Variants in GRID2 observed in about 807,000 individuals in gnomAD.
The protein encoded by GRID2 is glutamate ionotropic receptor delta type subunit 2, also known as glutamate receptor ionotropic, delta-2.
A neutral mutation model predicts 114.8 loss-of-function variants in GRID2; 33 were observed. The observed-to-expected ratio is 0.29, with a 90% CI of 0.22 to 0.38. GRID2 has a LOEUF of 0.38. GRID2 is among the 10% of genes least tolerant of loss of function. The pLI is 1.00. For synonymous variants in GRID2, 505 were observed against 449.9 expected, an observed-to-expected ratio of 1.12 and a Z score of -1.55; for missense variants, 1,184 against 1,257.7, an observed-to-expected ratio of 0.94 and a Z score of 0.89.
chr4:93,239,127 T>A (rs987618466), intron 8 of GRID2, among the ~76,000 whole-genome samples: 1 of 146,804 alleles, frequency 6.8e-6, no homozygotes, highest in Non-Finnish European at 1.5e-5. Flanking sequence ...AAATTTTTGA[T>A]ATATATATCA....
chr4:93,700,332 A>G (rs1352478921), intron 14 of GRID2, among the ~76,000 whole-genome samples: 1 of 152,140 alleles, frequency 6.6e-6, no homozygotes, highest in African/African-American at 2.4e-5. Flanking sequence ...TGAATTTTTA[A>G]ATAATTTTCA....
At chr4:92,425,609 TC>T (rs1732122187) in intron 1 of GRID2, among the ~76,000 whole-genome samples, 1 of 152,098 alleles carries the variant, frequency 6.6e-6, no homozygotes, top group South Asian at 2.1e-4. Flanking sequence ...GACCACCTCT[TC>T]TGTAGTATGT....
At chr4:93,009,519 T>C (rs936265000) in intron 2 of GRID2, among the ~76,000 whole-genome samples, 1 of 152,148 alleles carries the variant, frequency 6.6e-6, no homozygotes, top group Non-Finnish European at 1.5e-5. Context: ...CTTTAATGTA[T>C]GACATTTTCA....
chr4:93,165,659 C>T (rs1259529778), intron 4 of GRID2, among the ~76,000 whole-genome samples: 1 of 152,108 alleles, frequency 6.6e-6, no homozygotes, highest in Non-Finnish European at 1.5e-5. Flanking sequence ...GCTAACTCCT[C>T]TTTCTCTCAG....
intron 13 of GRID2, among the ~76,000 whole-genome samples, chr4:93,543,906 C>A (rs1487129016): frequency 1.3e-5 from 2 of 152,116 alleles, no homozygotes; most frequent in East Asian, 3.9e-4. Flanking sequence ...TAAGAACAAA[C>A]CACAAAAATG....
intron 2 of GRID2, among the ~76,000 whole-genome samples, chr4:92,595,682 G>A (rs1728915927): frequency 6.6e-6 from 1 of 151,806 alleles, no homozygotes; most frequent in Non-Finnish European, 1.5e-5. Flanking sequence ...TTCATTTTTG[G>A]TTTATGTTAC....
Position 92,922,003 on chromosome 4 carries a change from A to G in GRID2, c.245-162992A>G, listed in dbSNP as rs955169852. The stretch of plus-strand genomic sequence containing the variant: ...GCTTTGGTGGGCTCCACCCAGTTCA[A>G]GCTTCCTGGCCACTTTGTTTACCTA... On this transcript the variant is annotated intron_variant, in intron 2 of 15. Coordinates refer to ENST00000282020, the MANE Select transcript of GRID2 (RefSeq NM_001510.4). Among the ~76,000 whole-genome samples, 6 of 152,270 alleles carry G rather than the reference A, an allele frequency of 3.9e-5. No individual in the cohort carries two copies. The South Asian group carries it at 1.2e-3, about 32-fold the overall frequency.
chr4:92,866,477 G>A (rs1744871228), intron 2 of GRID2, among the ~76,000 whole-genome samples: 1 of 152,020 alleles, frequency 6.6e-6, no homozygotes, highest in African/African-American at 2.4e-5. Flanking sequence ...AGCAGACTGA[G>A]TAAACAATTT....
At chr4:93,593,954 T>C (rs1016203680) in intron 13 of GRID2, among the ~76,000 whole-genome samples, 7 of 151,688 alleles carry the variant, frequency 4.6e-5, no homozygotes, top group African/African-American at 9.7e-5. Flanking sequence ...TTATACATTC[T>C]TCTAAATTTT....
At chr4:92,462,091 A>G (rs527276352) in intron 1 of GRID2, among the ~76,000 whole-genome samples, 3 of 152,178 alleles carry the variant, frequency 2.0e-5, no homozygotes, top group East Asian at 1.9e-4. Flanking sequence ...TTAATTCACA[A>G]TATACTTCCT....
chr4:92,720,717 T>C (rs1735771833), intron 2 of GRID2, among the ~76,000 whole-genome samples: 1 of 151,996 alleles, frequency 6.6e-6, no homozygotes, highest in Non-Finnish European at 1.5e-5. Flanking sequence ...ATGGAAAATA[T>C]ATGATATGTA....
At chr4:92,512,855 CT>C (rs1387363940) in intron 1 of GRID2, among the ~76,000 whole-genome samples, 1 of 151,748 alleles carries the variant, frequency 6.6e-6, no homozygotes, top group Non-Finnish European at 1.5e-5. Flanking sequence ...TACTCTGCCT[CT>C]TTTTTAGTTG....
intron 13 of GRID2, among the ~76,000 whole-genome samples, 185 bp downstream of exon 13, chr4:93,515,596 C>T (rs980040487): frequency 6.6e-6 from 1 of 152,132 alleles, no homozygotes; most frequent in Non-Finnish European, 1.5e-5. Context: ...TCAAAGTCCT[C>T]TGTAGTGTGT....
At chr4:92,510,867 A>AAC (rs1724211411) in intron 1 of GRID2, among the ~76,000 whole-genome samples, 1 of 151,468 alleles carries the variant, frequency 6.6e-6, no homozygotes, top group Non-Finnish European at 1.5e-5. Flanking sequence ...TTAAAAAAAA[A>AAC]AAAACAGTGG....
intron 4 of GRID2, among the ~76,000 whole-genome samples, chr4:93,171,793 A>G (rs1278969283): frequency 6.6e-6 from 1 of 151,986 alleles, no homozygotes; most frequent in Non-Finnish European, 1.5e-5. Flanking sequence ...TTTACTTAGC[A>G]TTATATAACT....
At chr4:93,415,365 T>A (rs1357116133) in intron 9 of GRID2, among the ~76,000 whole-genome samples, 1 of 152,094 alleles carries the variant, frequency 6.6e-6, no homozygotes, top group Non-Finnish European at 1.5e-5. Context: ...TAAGATTCAC[T>A]TAAGTGTCAA....
chr4:93,253,532 C>T (rs112899482), intron 8 of GRID2, among the ~76,000 whole-genome samples: 4 of 151,974 alleles, frequency 2.6e-5, no homozygotes, highest in South Asian at 2.1e-4. Flanking sequence ...TTTAACAAAA[C>T]ATGAATGTCC....
At chr4:93,360,018 A>T (rs947679437) in intron 8 of GRID2, among the ~76,000 whole-genome samples, 1 of 150,660 alleles carries the variant, frequency 6.6e-6, no homozygotes, top group Non-Finnish European at 1.5e-5. Context: ...AGTCTTCTTA[A>T]AGTCTTGACA....
intron 8 of GRID2, among the ~76,000 whole-genome samples, chr4:93,278,040 A>T (rs1424062088): frequency 6.6e-6 from 1 of 151,962 alleles, no homozygotes; most frequent in East Asian, 1.9e-4. Flanking sequence ...ATGTGATTGC[A>T]TCTGAAGAAA....
Sources: allele counts gnomAD v4.1 joint callset (sites outside exome capture counted in the v4.1 genomes callset), GRCh38; gene constraint gnomAD v4.1.1; transcripts MANE v1.5; gene names NCBI Gene and HGNC (gene_info 2026-07-23, HGNC 2026-07-21).